The following SCP2 variants were observed in gnomAD, a reference collection of about 807,000 sequenced individuals.
SCP2 encodes sterol carrier protein 2.
SCP2 carries 48 observed loss-of-function variants against 71.4 expected under a neutral mutation model. That is an observed-to-expected ratio of 0.67 (90% CI 0.53 to 0.86). The LOEUF is 0.86. Ranked by LOEUF, SCP2 falls within the 40% of genes least tolerant of loss-of-function variation. SCP2 has a pLI of 0.00. For missense variants in SCP2, 560 were observed against 655.6 expected, an observed-to-expected ratio of 0.85 and a Z score of 1.59; for synonymous variants, 220 against 218.1, an observed-to-expected ratio of 1.01 and a Z score of -0.08.
intron 6 of SCP2, among the ~76,000 whole-genome samples, chr1:52,973,250 A>C (rs1390023488): frequency 2.0e-5 from 3 of 152,184 alleles, no homozygotes; most frequent in South Asian, 4.1e-4. Flanking sequence ...GTCATAATGC[A>C]CATAGTGCAA....
At chr1:53,035,658 G>A (rs1326785325) in intron 13 of SCP2, among the ~76,000 whole-genome samples, 1 of 152,162 alleles carries the variant, frequency 6.6e-6, no homozygotes, top group African/African-American at 2.4e-5. Context: ...GAGATTTGCT[G>A]TGTCAGAGTA....
intron 10 of SCP2, among the ~76,000 whole-genome samples, chr1:52,982,306 C>T (rs966719327): frequency 1.3e-5 from 2 of 152,200 alleles, no homozygotes; most frequent in Non-Finnish European, 2.9e-5. Flanking sequence ...CGCGGTGGCT[C>T]AGGCCTATAA....
At chr1:53,036,036 A>AAAG (rs1662921633) in intron 13 of SCP2, among the ~76,000 whole-genome samples, 2 of 147,790 alleles carry the variant, frequency 1.4e-5, no homozygotes, top group African/African-American at 5.1e-5. Flanking sequence ...AAAAAAAAAA[A>AAAG]AAAAGAAAAC....
intron 2 of SCP2, 70 bp downstream of exon 2, chr1:52,941,923 G>C: frequency 8.7e-7 from 1 of 1,153,876 alleles, no homozygotes; most frequent in Non-Finnish European, 1.3e-6. Context: ...TTCATGGATG[G>C]GGCAGCCTTG....
intron 10 of SCP2, among the ~76,000 whole-genome samples, chr1:52,986,252 C>G (rs1481395009): frequency 6.6e-6 from 1 of 152,134 alleles, no homozygotes; most frequent in Non-Finnish European, 1.5e-5. Context: ...TAATACTTTA[C>G]AAGATTGTAT....
chr1:52,960,588 G>GTATATGTATATATGTATGTA (rs1371649788), intron 5 of SCP2, among the ~76,000 whole-genome samples: 41 of 144,952 alleles, frequency 2.8e-4, no homozygotes, highest in African/African-American at 7.5e-4. Context: ...ATATATGTAT[G>GTATATGTATATATGTATGTA]TATATGTATA....
chr1:53,030,908 T>TAAAAAA (rs59298380), intron 13 of SCP2, among the ~76,000 whole-genome samples: 1 of 75,930 alleles, frequency 1.3e-5, no homozygotes, highest in Non-Finnish European at 3.5e-5. Context: ...TCAAAAAAAT[T>TAAAAAA]AAAAAAAAAA....
At chr1:52,978,089 C>G (rs1658142715) in intron 8 of SCP2, 128 bp from the exon 9 acceptor site, 1 of 820,440 alleles carries the variant, frequency 1.2e-6, no homozygotes, top group Non-Finnish European at 2.1e-6. Flanking sequence ...CTGTAGATAT[C>G]ACAAAGAAGA....
intron 1 of SCP2, among the ~76,000 whole-genome samples, chr1:52,934,346 A>G (rs559575103): frequency 6.6e-6 from 1 of 151,968 alleles, no homozygotes; most frequent in Non-Finnish European, 1.5e-5. Flanking sequence ...CGGGACAGGT[A>G]ATATTAACAA....
chr1:52,986,132 G>A (rs937067407), intron 10 of SCP2, among the ~76,000 whole-genome samples: 5 of 152,104 alleles, frequency 3.3e-5, no homozygotes, highest in African/African-American at 1.2e-4. Context: ...TTCCAAAAGC[G>A]TATGCATTTG....
At chr1:53,044,752 A>G (rs927756558) in intron 14 of SCP2, among the ~76,000 whole-genome samples, 3 of 152,220 alleles carry the variant, frequency 2.0e-5, no homozygotes, top group African/African-American at 7.2e-5. Context: ...ACTGCTGAAA[A>G]TGTTGATTTC....
chr1:52,970,455 C>T (rs1282818845), intron 6 of SCP2, among the ~76,000 whole-genome samples: 2 of 152,158 alleles, frequency 1.3e-5, no homozygotes, highest in Non-Finnish European at 2.9e-5. Flanking sequence ...TACAAATGTC[C>T]TCTTACATAC....
chr1:53,034,745 T>A (rs777260750), intron 13 of SCP2, among the ~76,000 whole-genome samples: 2 of 152,184 alleles, frequency 1.3e-5, no homozygotes, highest in Non-Finnish European at 2.9e-5. Flanking sequence ...GCAGTAATTA[T>A]TTGAGTATTT....
intron 11 of SCP2, chr1:52,995,817 A>G: frequency 1.1e-6 from 1 of 945,522 alleles, no homozygotes; most frequent in Non-Finnish European, 1.7e-6. Flanking sequence ...GCCATCCAGG[A>G]GCTCTTCAGG....
At chr1:52,938,295 T>C (rs1284212354) in intron 1 of SCP2, among the ~76,000 whole-genome samples, 1 of 152,218 alleles carries the variant, frequency 6.6e-6, no homozygotes, top group Non-Finnish European at 1.5e-5. Context: ...TATGTATATA[T>C]GCGTGTACTG....
chr1:52,958,634 A>G (rs998863051), intron 5 of SCP2, among the ~76,000 whole-genome samples: 11 of 151,882 alleles, frequency 7.2e-5, no homozygotes, highest in African/African-American at 2.7e-4. Context: ...TTGATATTTG[A>G]TTGTTAGTCT....
At chr1:52,993,901 CT>C in intron 11 of SCP2, 4 of 1,428,070 alleles carry the variant, frequency 2.8e-6, no homozygotes, top group Non-Finnish European at 3.7e-6. Flanking sequence ...GAGGACACCA[CT>C]GCAAATCTTC....
In SCP2 at chr1:52,927,337, C is replaced by G. The variant is rs990329848; in HGVS notation, c.-60C>G. 3.5e-6 allele frequency: 5 copies of G among 1,428,726 alleles called. No homozygotes were observed. In the African/African-American group the frequency reaches 7.1e-5, roughly 20 times the overall value. 88.5% of individuals were successfully genotyped at this position (1,428,726 alleles called of 1,614,324 possible). Reference sequence around the variant, plus strand: ...GCTTCAGGGAGCTCTGGTGCAGTCTCCGCCTGTCAGTGCCGGCAGTCGTCC... The same window carrying G: ...GCTTCAGGGAGCTCTGGTGCAGTCTGCGCCTGTCAGTGCCGGCAGTCGTCC... On this transcript the variant is annotated 5_prime_UTR_variant, in exon 1 of 16. Transcript: ENST00000371514.
intron 1 of SCP2, among the ~76,000 whole-genome samples, chr1:52,930,745 C>G (rs1653076512): frequency 6.6e-6 from 1 of 152,084 alleles, no homozygotes; most frequent in African/African-American, 2.4e-5. Context: ...ATTTTTATAT[C>G]CATTCAATTA....
Sources: gnomAD v4.1 joint callset for allele counts (sites outside exome capture counted in the v4.1 genomes callset) on GRCh38, gnomAD v4.1.1 for gene constraint, MANE v1.5 for transcripts, NCBI Gene and HGNC (gene_info 2026-07-23, HGNC 2026-07-21) for gene names.